AFF3: variants seen among roughly 807,000 people sequenced by gnomAD.
The protein encoded by AFF3 is AF4/FMR2 family member 3.
In AFF3, 32 loss-of-function variants were observed where a neutral mutation model predicts 129.7. The ratio of observed to expected loss-of-function variants is 0.25; its 90% CI spans 0.19 to 0.33. The LOEUF (loss-of-function observed/expected upper bound fraction) is 0.33, where lower values mean the gene tolerates loss of function less well. Ranked by LOEUF, AFF3 falls within the 10% of genes least tolerant of loss-of-function variation. The probability of loss-of-function intolerance (pLI) is 1.00; values close to 1 mark genes in which losing one functional copy is unlikely to be tolerated. For missense variants in AFF3, 1,373 were observed against 1,592.0 expected (o/e 0.86, Z 2.34); for synonymous variants, 644 against 635.4 (o/e 1.01, Z -0.20).
rs559043059 is a variant in AFF3, at chr2:99,806,433, T to C, written c.921+31044A>G. ...ACACTGCAAATGCTCAGCTCTGCGA[T>C]GGGAGTGTGTGCCAGGACCCCAGGA... On this transcript the variant is annotated intron_variant, in intron 8 of 24. Coordinates refer to ENST00000672756, the MANE Select transcript of AFF3 (RefSeq NM_001386135.1). Among the ~76,000 whole-genome samples the C allele has an allele frequency of 2.6e-5, 4 of 152,286 alleles. No individual in the cohort carries two copies. The East Asian group carries it at 7.7e-4, about 29-fold the overall frequency.
chr2:99,582,708 T>G, intron 17 of AFF3, 90 bp downstream of exon 17: 1 of 1,395,410 alleles, frequency 7.2e-7, no homozygotes, highest in South Asian at 1.2e-5. Context: ...ACCTCAAGCA[T>G]GTGTTCAGAC....
At position 99,551,667 on chromosome 2, in the gene AFF3, G is replaced by A. The variant is rs1275243888; in HGVS notation, c.3560-72C>T. The A allele has an allele frequency of 1.5e-5, 23 of 1,579,196 alleles. No homozygotes were observed. The East Asian group carries it at 5.2e-4, about 35-fold the overall frequency. ...TGCTATCCTGAGCAACTGATGTAAG[G>A]AAAAATTCCATTCATGGTCTCTATA... On this transcript the variant is annotated intron_variant, in intron 24 of 24. Coordinates refer to ENST00000672756, the MANE Select transcript of AFF3 (RefSeq NM_001386135.1).
chr2:99,716,616 C>T (rs1678414778), intron 11 of AFF3, among the ~76,000 whole-genome samples: 2 of 151,738 alleles, frequency 1.3e-5, no homozygotes, highest in African/African-American at 2.4e-5. Context: ...GGTGTGGTGG[C>T]TCATGTCTGT....
intron 7 of AFF3, among the ~76,000 whole-genome samples, chr2:99,938,411 A>G (rs1224557394): frequency 6.6e-6 from 1 of 151,992 alleles, no homozygotes; most frequent in South Asian, 2.1e-4. Context: ...CAGGTGCTCA[A>G]AATAGTACAT....
intron 8 of AFF3, among the ~76,000 whole-genome samples, chr2:99,766,606 G>A (rs1391305193): frequency 6.6e-6 from 1 of 151,982 alleles, no homozygotes; most frequent in South Asian, 2.1e-4. Context: ...AGAATAAGAA[G>A]GAAAATATTA....
chr2:99,937,693 G>A (rs571489723), intron 7 of AFF3, among the ~76,000 whole-genome samples: 3 of 152,224 alleles, frequency 2.0e-5, no homozygotes, highest in African/African-American at 7.2e-5. Context: ...CACCGCGCCC[G>A]GCCCTGCATT....
intron 7 of AFF3, among the ~76,000 whole-genome samples, chr2:99,882,818 C>T (rs1692822292): frequency 6.6e-6 from 1 of 152,158 alleles, no homozygotes; most frequent in Admixed American, 6.5e-5. Context: ...AAGGCATGGC[C>T]CTAGCAATTT....
chr2:99,687,619 G>T (rs1675199042), intron 11 of AFF3, among the ~76,000 whole-genome samples: 1 of 152,178 alleles, frequency 6.6e-6, no homozygotes, highest in Non-Finnish European at 1.5e-5. Flanking sequence ...CCAAGCGAGG[G>T]TCTCATAAGC....
chr2:99,745,042 T>G (rs1356912100), intron 9 of AFF3, among the ~76,000 whole-genome samples: 1 of 152,184 alleles, frequency 6.6e-6, no homozygotes, highest in Non-Finnish European at 1.5e-5. Context: ...TCAATGCTTG[T>G]TATTTTCCAT....
intron 13 of AFF3, among the ~76,000 whole-genome samples, chr2:99,607,640 T>C (rs1335182411): frequency 6.6e-6 from 1 of 152,208 alleles, no homozygotes; most frequent in Non-Finnish European, 1.5e-5. Context: ...TATCCAAAAT[T>C]GTCCACACAC....
intron 4 of AFF3, among the ~76,000 whole-genome samples, chr2:100,015,153 T>C (rs1382811295): frequency 1.3e-5 from 2 of 152,096 alleles, no homozygotes; most frequent in Non-Finnish European, 2.9e-5. Context: ...GTTTCATTTA[T>C]GTGGTTTACC....
intron 12 of AFF3, among the ~76,000 whole-genome samples, chr2:99,653,149 C>T (rs1052923003): frequency 1.1e-4 from 16 of 152,274 alleles, no homozygotes; most frequent in Admixed American, 5.2e-4. Flanking sequence ...CTTTAGGCCG[C>T]GATACTTGAA....
At chr2:99,699,880 C>A (rs1021781181) in intron 11 of AFF3, among the ~76,000 whole-genome samples, 3 of 152,194 alleles carry the variant, frequency 2.0e-5, no homozygotes, top group Non-Finnish European at 2.9e-5. Flanking sequence ...TGATTCTAAC[C>A]AATCGCATTC....
rs141307294 is a variant in AFF3 at position 100,119,091 on chromosome 2, C to A, written c.-145+10133G>T. On this transcript the variant is annotated intron_variant, in intron 2 of 24. Transcript: ENST00000672756. Reference sequence around the variant, plus strand: ...TGCTGGGATTACAGACGTGAGCCACCACACCTAGCCCTAATTCTGGATTTG... The same window carrying A: ...TGCTGGGATTACAGACGTGAGCCACAACACCTAGCCCTAATTCTGGATTTG... Among the ~76,000 whole-genome samples, 323 of 152,324 alleles carry A rather than the reference C, an allele frequency of 2.1e-3. 1 individual carries two copies. Among genetic ancestry groups the A allele is most frequent in the African/African-American group, 7.3e-3 (305 of 41,576 alleles).
At chr2:99,571,672 T>C (rs1279078992) in intron 18 of AFF3, among the ~76,000 whole-genome samples, 1 of 152,232 alleles carries the variant, frequency 6.6e-6, no homozygotes, top group African/African-American at 2.4e-5. Flanking sequence ...AACTCTCATC[T>C]TTGCATAGAA....
chr2:99,553,918 C>CAAAAAAAAAAAAAAAAAAAAAAAA (rs61326965), intron 24 of AFF3, among the ~76,000 whole-genome samples: 1 of 56,974 alleles, frequency 1.8e-5, no homozygotes, highest in African/African-American at 6.8e-5. Flanking sequence ...TGTCTCAAAC[C>CAAAAAAAAAAAAAAAAAAAAAAAA]AAAAAAAAAA....
intron 8 of AFF3, among the ~76,000 whole-genome samples, chr2:99,787,382 T>A (rs1158206481): frequency 6.6e-6 from 1 of 152,126 alleles, no homozygotes. Flanking sequence ...ACGTTAGGCA[T>A]CAAGACAGGG....
chr2:99,893,686 A>C (rs1331145353), intron 7 of AFF3, among the ~76,000 whole-genome samples: 1 of 152,252 alleles, frequency 6.6e-6, no homozygotes, highest in Non-Finnish European at 1.5e-5. Flanking sequence ...TTGTTACGGC[A>C]GCCCAATAAT....
At chr2:99,833,419 T>C (rs1688648320) in intron 8 of AFF3, among the ~76,000 whole-genome samples, 1 of 152,176 alleles carries the variant, frequency 6.6e-6, no homozygotes, top group Admixed American at 6.5e-5. Flanking sequence ...CTTAAGAATA[T>C]TTTGCAGCAC....
Sources: allele counts gnomAD v4.1 joint callset (sites outside exome capture counted in the v4.1 genomes callset), GRCh38; gene constraint gnomAD v4.1.1; transcripts MANE v1.5; gene names NCBI Gene and HGNC (gene_info 2026-07-23, HGNC 2026-07-21).